KAZN: variants seen among roughly 807,000 people sequenced by gnomAD.
The protein encoded by KAZN is kazrin, periplakin interacting protein.
Under a neutral mutation model 87.4 loss-of-function variants are expected in KAZN, and 40 were observed. That is an observed-to-expected ratio of 0.46 (90% confidence interval 0.36 to 0.60). KAZN has a LOEUF of 0.60. Ranked by LOEUF, KAZN falls within the 20% of genes least tolerant of loss-of-function variation. The pLI is 0.00. For missense variants in KAZN, 898 were observed against 1,073.9 expected (o/e 0.84, Z 2.29); for synonymous variants, 466 against 458.3 (o/e 1.02, Z -0.22).
In KAZN at chr1:14,923,261, G is replaced by A. The variant is rs1360830290; in HGVS notation, c.227-37423G>A. On this transcript the variant is annotated intron_variant, in intron 1 of 14. Coordinates refer to ENST00000376030, the MANE Select transcript of KAZN (RefSeq NM_201628.3). This position sits in a 1 kb window ranked among gnomAD's most constrained non-coding sequence, Gnocchi z 4.2. Reference sequence around the variant, plus strand: ...CAGGGGGGAACTGGACCTGCCTCCTGGGGCTGTAAGGAGATAATTAGTCTT... The same window carrying A: ...CAGGGGGGAACTGGACCTGCCTCCTAGGGCTGTAAGGAGATAATTAGTCTT... Among the ~76,000 whole-genome samples, 1 of 152,172 alleles carries A rather than the reference G, an allele frequency of 6.6e-6. No individual in the cohort carries two copies. The highest frequency in any genetic ancestry group is 1.5e-5 in the Non-Finnish European group (1 of 68,028).
chr1:14,430,299 CAT>C (rs142376682), intron 2 of KAZN, among the ~76,000 whole-genome samples: 3,567 of 151,156 alleles, frequency 0.024, 57 homozygotes, highest in East Asian at 0.053. Context: ...AGAATTAACA[CAT>C]GTTTGCTGTG....
chr1:14,188,386 T>A (rs928280659), intron 2 of KAZN, among the ~76,000 whole-genome samples: 2 of 152,146 alleles, frequency 1.3e-5, no homozygotes, highest in Non-Finnish European at 2.9e-5. Context: ...TTACATTTAA[T>A]TTAGGGAATA....
At chr1:14,673,649 G>T (rs1640048525) in intron 1 of KAZN, among the ~76,000 whole-genome samples, 1 of 152,182 alleles carries the variant, frequency 6.6e-6, no homozygotes. Flanking sequence ...CCTCAAGGAT[G>T]CAGGCTGTGG....
At chr1:14,664,705 G>A (rs1176574096) in intron 1 of KAZN, among the ~76,000 whole-genome samples, 1 of 149,928 alleles carries the variant, frequency 6.7e-6, no homozygotes, top group Non-Finnish European at 1.5e-5. Context: ...CCAGGCTGGA[G>A]TGCATTGGTG....
intron 2 of KAZN, among the ~76,000 whole-genome samples, chr1:14,319,606 A>T (rs1466826167): frequency 2.6e-5 from 4 of 152,110 alleles, no homozygotes; most frequent in Non-Finnish European, 5.9e-5. Context: ...CTTTCAACTC[A>T]GCAAATTCCC....
At chr1:14,092,051 G>C (rs1423397731) in intron 1 of KAZN, among the ~76,000 whole-genome samples, 2 of 148,102 alleles carry the variant, frequency 1.4e-5, no homozygotes, top group Non-Finnish European at 3.0e-5. Flanking sequence ...AAATGTAGTG[G>C]TTAATTCTTG....
rs16850615 is a variant in KAZN, at chr1:14,625,214, T to C, written c.226+25991T>C. Among the ~76,000 whole-genome samples, 1,000 of 152,172 alleles carry C rather than the reference T, an allele frequency of 6.6e-3. 11 individuals carry two copies. The highest frequency in any genetic ancestry group is 0.023 in the African/African-American group (951 of 41,500). The stretch of plus-strand genomic sequence containing the variant: ...TCCTTGAGCGAGTTTTCTGCATGTG[T>C]GGAGTTTCTTTTAAGCTTCAGTACA... On this transcript the variant is annotated intron_variant, in intron 1 of 14. Transcript: ENST00000376030.
chr1:14,336,580 A>G (rs776144428), intron 2 of KAZN, among the ~76,000 whole-genome samples: 7 of 152,214 alleles, frequency 4.6e-5, no homozygotes, highest in African/African-American at 1.4e-4. Context: ...CCTACCAGCA[A>G]TGCACAAAGG....
intron 2 of KAZN, among the ~76,000 whole-genome samples, chr1:14,438,885 T>C (rs1385640938): frequency 6.6e-6 from 1 of 152,236 alleles, no homozygotes; most frequent in Non-Finnish European, 1.5e-5. Flanking sequence ...TGTTTCCCTA[T>C]GTAAGCCCTT....
chr1:14,561,095 C>T (rs1049377191), intron 2 of KAZN, among the ~76,000 whole-genome samples: 1 of 152,176 alleles, frequency 6.6e-6, no homozygotes, highest in Non-Finnish European at 1.5e-5. Flanking sequence ...TCGGCACCAT[C>T]AGCCTTTCTG....
At chr1:14,826,441 A>G (rs1646888375) in intron 1 of KAZN, among the ~76,000 whole-genome samples, 1 of 152,072 alleles carries the variant, frequency 6.6e-6, no homozygotes, top group Non-Finnish European at 1.5e-5. Flanking sequence ...AGCCTGAGCC[A>G]CCCTCCTCAA....
intron 2 of KAZN, among the ~76,000 whole-genome samples, chr1:14,393,314 T>TA: frequency 6.6e-6 from 1 of 152,286 alleles, no homozygotes; most frequent in African/African-American, 2.4e-5. Context: ...AAGAACAAAG[T>TA]AAATGCCCAC....
At chr1:14,311,250 C>A (rs1303921752) in intron 2 of KAZN, among the ~76,000 whole-genome samples, 1 of 152,130 alleles carries the variant, frequency 6.6e-6, no homozygotes, top group Non-Finnish European at 1.5e-5. Flanking sequence ...CTAGCCCTTA[C>A]CACTTATTAG....
chr1:13,935,862 ATGTGTGTGTGTGTGTGTGTGTG>A (rs143281844), intron 1 of KAZN, among the ~76,000 whole-genome samples: 1 of 124,160 alleles, frequency 8.1e-6, no homozygotes, highest in Non-Finnish European at 1.7e-5. Context: ...TTACATCCTA[ATGTGTGTGTGTGTGTGTGTGTG>A]TGTGTGTGTG....
intron 1 of KAZN, among the ~76,000 whole-genome samples, chr1:14,698,767 A>G (rs959933058): frequency 1.1e-4 from 16 of 152,372 alleles, no homozygotes; most frequent in African/African-American, 3.1e-4. Flanking sequence ...ATGGATTAAA[A>G]GCATGGGTGG....
chr1:14,747,298 C>T (rs1043447569), intron 1 of KAZN, among the ~76,000 whole-genome samples: 24 of 151,860 alleles, frequency 1.6e-4, no homozygotes, highest in Admixed American at 1.6e-3. Context: ...ATTTTTGAGA[C>T]AGGGTTTATC....
intron 2 of KAZN, among the ~76,000 whole-genome samples, chr1:14,588,378 T>A (rs1285701161): frequency 6.6e-6 from 1 of 152,236 alleles, no homozygotes; most frequent in Non-Finnish European, 1.5e-5. Flanking sequence ...TACATAGATT[T>A]GTGAAGGTAC....
Position 14,198,908 on chromosome 1 carries a change from G to C in KAZN, c.249+18316G>C, listed in dbSNP as rs560846937. On this transcript the variant is annotated intron_variant, in intron 2 of 16. Coordinates refer to the KAZN transcript ENST00000636203. ...CCCAGCCAGTAGGTGGCAAAGCTAA[G>C]GTTTGAACCTGGGTAATCTGGCTTC... Among the ~76,000 whole-genome samples, 5 of 152,240 alleles carry C rather than the reference G, an allele frequency of 3.3e-5. No individual in the cohort carries two copies. In the East Asian group the frequency reaches 9.7e-4, roughly 29 times the overall value.
rs2100341831 is a variant in KAZN at position 15,044,129 on chromosome 1, G to A, written c.696G>A (p.Arg232=). ...CCCAGCTGGACCTCAAGGACAACCGGATGAAGGAGCTGGAGGCCGAGCTGG... is the reference window on the plus strand; with the variant it reads ...CCCAGCTGGACCTCAAGGACAACCGAATGAAGGAGCTGGAGGCCGAGCTGG... ...LRSQLDLKDN[R]MKELEAELAM... is the part of the protein sequence containing the mutation. Residue 232 remains arginine, a synonymous_variant, in exon 4 of 15, where the codon CGG becomes CGA. Coordinates refer to ENST00000376030, the MANE Select transcript of KAZN (RefSeq NM_201628.3). The A allele has an allele frequency of 1.2e-6, 2 of 1,609,930 alleles. No individual in the cohort carries two copies. Among genetic ancestry groups the A allele is most frequent in the Non-Finnish European group, 1.7e-6 (2 of 1,178,110 alleles).
Sources: allele counts gnomAD v4.1 joint callset (sites outside exome capture counted in the v4.1 genomes callset), GRCh38; gene constraint gnomAD v4.1.1; non-coding constraint Gnocchi (gnomAD v3.1); transcripts MANE v1.5; gene names NCBI Gene and HGNC (gene_info 2026-07-23, HGNC 2026-07-21).